Variants in ELF1 observed in about 807,000 individuals in gnomAD.
The protein encoded by ELF1 is ETS-related transcription factor Elf-1.
In ELF1, 24 loss-of-function variants were observed where a neutral mutation model predicts 59.9. That is an observed-to-expected ratio of 0.40 (90% CI 0.29 to 0.56). The LOEUF (loss-of-function observed/expected upper bound fraction) is 0.56, where lower values mean the gene tolerates loss of function less well. ELF1 is among the 20% of genes least tolerant of loss of function. ELF1 has a pLI of 0.44. For missense variants in ELF1, 627 were observed against 742.2 expected (o/e 0.84, Z 1.80); for synonymous variants, 248 against 266.2 (o/e 0.93, Z 0.67).
At chr13:40,982,551 A>T (rs982891641) in intron 1 of ELF1, among the ~76,000 whole-genome samples, 1 of 88,762 alleles carries the variant, frequency 1.1e-5, no homozygotes, top group Admixed American at 9.6e-5. Context: ...ACTCAATATT[A>T]AAAAAAAAAA....
At chr13:40,975,914 G>A (rs536680677) in intron 2 of ELF1, among the ~76,000 whole-genome samples, 1 of 152,090 alleles carries the variant, frequency 6.6e-6, no homozygotes, top group South Asian at 2.1e-4. Context: ...ATATTAAGGG[G>A]AAAAAAGACA....
chr13:41,048,541 G>T (rs542263210), intron 1 of ELF1, among the ~76,000 whole-genome samples: 1 of 151,858 alleles, frequency 6.6e-6, no homozygotes, highest in African/African-American at 2.4e-5. Flanking sequence ...TCAGCCTCCC[G>T]AGTAGCTGGG....
chr13:41,046,644 TGA>T (rs1454231267), intron 1 of ELF1, among the ~76,000 whole-genome samples: 1 of 152,220 alleles, frequency 6.6e-6, no homozygotes, highest in Non-Finnish European at 1.5e-5. Context: ...GAGTTTCTGC[TGA>T]GAGATCTGCT....
chr13:40,996,835 C>T (rs1321036624), intron 1 of ELF1, among the ~76,000 whole-genome samples: 1 of 151,804 alleles, frequency 6.6e-6, no homozygotes, highest in African/African-American at 2.4e-5. Context: ...TCACTATCAT[C>T]TCAAAAACAA....
chr13:40,987,087 C>A (rs973242483), intron 1 of ELF1, among the ~76,000 whole-genome samples: 1 of 150,486 alleles, frequency 6.6e-6, no homozygotes, highest in Non-Finnish European at 1.5e-5. Flanking sequence ...AGGCGCCCGC[C>A]ACCACGCCCG....
At chr13:40,937,952 G>C (rs1403104143) in intron 8 of ELF1, among the ~76,000 whole-genome samples, 1 of 152,068 alleles carries the variant, frequency 6.6e-6, no homozygotes, top group Non-Finnish European at 1.5e-5. Flanking sequence ...GAGTAGCTAG[G>C]ATTACAGGTG....
intron 1 of ELF1, among the ~76,000 whole-genome samples, chr13:41,035,697 G>A (rs1326175372): frequency 4.4e-5 from 6 of 135,948 alleles, no homozygotes; most frequent in Non-Finnish European, 7.8e-5. Flanking sequence ...TAGAGAGAAA[G>A]AGATACAGAG....
chr13:40,941,326 C>T lies in ELF1; in HGVS notation c.851G>A (p.Arg284His). 2.5e-6 allele frequency: 4 copies of T among 1,610,000 alleles called. No individual in the cohort carries two copies. Among genetic ancestry groups the T allele is most frequent in the Non-Finnish European group, 3.4e-6 (4 of 1,179,004 alleles). ...RGILAKVEGQ[R>H]LVYQFKEMPK... The stretch of plus-strand genomic sequence containing the variant: ...CATTTCTTTAAACTGATACACCAAG[C>T]GCTGACCTTCCACTTTTGCCAGAAT... Residue 284 changes from arginine (R) to histidine (H), a missense_variant, in exon 8 of 9, where the codon CGC becomes CAC. Arg to His is a conservative substitution (Grantham distance 29, BLOSUM62 0). Coordinates refer to ENST00000239882, the MANE Select transcript of ELF1 (RefSeq NM_172373.4).
At chr13:41,028,334 T>A (rs1000450481) in intron 1 of ELF1, among the ~76,000 whole-genome samples, 1 of 152,184 alleles carries the variant, frequency 6.6e-6, no homozygotes, top group Non-Finnish European at 1.5e-5. Flanking sequence ...CCTTGGGGCA[T>A]CTCTTTGTAT....
chr13:41,019,384 G>A (rs1875598733), upstream of ELF1: 8 of 985,200 alleles, frequency 8.1e-6, no homozygotes, highest in South Asian at 4.7e-5. Context: ...AGGGAGGCAC[G>A]CCCATGTTGC....
At position 41,044,849 on chromosome 13, in the gene ELF1, G is replaced by A. The variant is rs143978187; in HGVS notation, c.-229+15989C>T. On this transcript the variant is annotated intron_variant, in intron 1 of 1. Transcript: ENST00000405737. ...AGATTCCCTCTTTTCCTATTGACTG[G>A]AATAGTTTCAGAAGGAATGGTACCA... 0.019 allele frequency among the ~76,000 whole-genome samples: 2,832 copies of A among 152,224 alleles called. 123 individuals carry two copies. In the East Asian group the frequency reaches 0.19, roughly 10 times the overall value.
intron 1 of ELF1, among the ~76,000 whole-genome samples, chr13:41,009,459 A>G (rs958298315): frequency 1.3e-5 from 2 of 152,190 alleles, no homozygotes; most frequent in African/African-American, 4.8e-5. Flanking sequence ...ACTGCCCTGC[A>G]GAAGATTTTT....
rs1876304672 is a variant in ELF1 at position 41,034,786 on chromosome 13, C to T, written c.-229+26052G>A. 3.0e-5 allele frequency among the ~76,000 whole-genome samples: 4 copies of T among 135,038 alleles called. 1 individual carries two copies. In the South Asian group the frequency reaches 7.2e-4, roughly 24 times the overall value. The allele number at this position is 135,038 out of a possible 152,430, so 88.6% of individuals were successfully genotyped here. On this transcript the variant is annotated intron_variant, in intron 1 of 1. Coordinates refer to the ELF1 transcript ENST00000405737. ...TCTCAAATTCTACCCCTTAATATTCCTATTAAAAAAAAAAAAAAAAAAACC... is the reference window on the plus strand; with the variant it reads ...TCTCAAATTCTACCCCTTAATATTCTTATTAAAAAAAAAAAAAAAAAAACC...
At chr13:40,989,165 CAATA>C (rs1873711975) in intron 1 of ELF1, among the ~76,000 whole-genome samples, 1 of 152,092 alleles carries the variant, frequency 6.6e-6, no homozygotes, top group Non-Finnish European at 1.5e-5. Context: ...ATGGAAAAAA[CAATA>C]AAGAAACATC....
chr13:41,048,263 G>A (rs1323023161), intron 1 of ELF1, among the ~76,000 whole-genome samples: 7 of 152,156 alleles, frequency 4.6e-5, no homozygotes, highest in Middle Eastern at 3.2e-3. Context: ...GCTCACGCTC[G>A]GTGGCCTGCA....
upstream of ELF1, among the ~76,000 whole-genome samples, chr13:41,023,422 A>C (rs573627333): frequency 6.6e-6 from 1 of 152,228 alleles, no homozygotes; most frequent in Non-Finnish European, 1.5e-5. Context: ...ACACCATTAA[A>C]ATGGCAAATG....
chr13:41,060,960 A>G lies in ELF1; in HGVS notation c.-351T>C, dbSNP rs576721847. ...CGCCGCCGCCGCTGCTGCTGCCCAC[A>G]CGCTCCCGAGCTAGGGAACAAGCCC... On this transcript the variant is annotated 5_prime_UTR_variant, in exon 1 of 2. Transcript: ENST00000405737. 1,829 of 323,346 alleles carry G rather than the reference A, an allele frequency of 5.7e-3. 23 individuals carry two copies. The highest frequency in any genetic ancestry group is 8.1e-3 in the Non-Finnish European group (1,317 of 162,594). 20.0% of individuals were successfully genotyped at this position (323,346 alleles called of 1,614,324 possible). A position where few individuals can be genotyped will look rare whatever the true frequency, so the allele number is the denominator to read the frequency against.
At position 41,015,106 on chromosome 13, in the gene ELF1, G is replaced by A. The variant is rs1875280096; in HGVS notation, c.-229+4122C>T. 7.2e-5 allele frequency among the ~76,000 whole-genome samples: 11 copies of A among 152,166 alleles called. No homozygotes were observed. In the South Asian group the frequency reaches 2.3e-3, roughly 32 times the overall value. ...AAATGCCACCCTAAATCAGTAAGGG[G>A]GTGTTTTTCCTAAAGCCCCAGGAGT... On this transcript the variant is annotated intron_variant, in intron 1 of 8. Transcript: ENST00000239882.
At chr13:41,058,759 G>A (rs943694812) in intron 1 of ELF1, among the ~76,000 whole-genome samples, 1 of 152,174 alleles carries the variant, frequency 6.6e-6, no homozygotes, top group African/African-American at 2.4e-5. Context: ...GATCACCTGA[G>A]GTCAGGGGTT....
Sources: gnomAD v4.1 joint callset for allele counts (sites outside exome capture counted in the v4.1 genomes callset) on GRCh38, gnomAD v4.1.1 for gene constraint, MANE v1.5 for transcripts, NCBI Gene and HGNC (gene_info 2026-07-23, HGNC 2026-07-21) for gene names.